The following FAM117B variants were observed in gnomAD, a reference collection of about 807,000 sequenced individuals.
FAM117B encodes family with sequence similarity 117 member B, also known as protein FAM117B.
A neutral mutation model predicts 52.8 loss-of-function variants in FAM117B; 22 were observed. That is an observed-to-expected ratio of 0.42 (90% CI 0.30 to 0.59). The LOEUF is 0.59. Among genes scored for constraint, FAM117B ranks in the 20% least tolerant of loss-of-function variants. The pLI is 0.22. For synonymous variants in FAM117B, 309 were observed against 324.1 expected, an observed-to-expected ratio of 0.95 and a Z score of 0.50; for missense variants, 678 against 802.6, an observed-to-expected ratio of 0.84 and a Z score of 1.88.
At chr2:202,736,968 G>A (rs1367871153) in intron 4 of FAM117B, among the ~76,000 whole-genome samples, 1 of 152,000 alleles carries the variant, frequency 6.6e-6, no homozygotes, top group African/African-American at 2.4e-5. Context: ...CTTATCACCA[G>A]TGTACCACAG....
At chr2:202,668,577 G>A (rs1369913807) in intron 1 of FAM117B, among the ~76,000 whole-genome samples, 2 of 148,170 alleles carry the variant, frequency 1.3e-5, no homozygotes, top group African/African-American at 2.5e-5. Flanking sequence ...CTCTGATTGT[G>A]TCACTGTACT....
Position 202,635,389 on chromosome 2 carries a change from G to T in FAM117B, c.202G>T (p.Gly68Cys). ...GGGGGGNNNG[G>C]CCGGASGPAG... ...CGGCGGCGGCGGCAACAACAACGGT[G>T]GCTGCTGTGGTGGCGCCTCAGGCCC... The change falls in exon 1 of 8, where the codon GGC (glycine) becomes TGC (cysteine). Residue 68 changes from glycine (G) to cysteine (C), a missense_variant. Around this residue, in one of 3 missense-constraint regions of FAM117B, gnomAD observed 583 missense variants for 644.8 expected, o/e 0.90. Transcript: ENST00000392238. 7.6e-7 allele frequency: 1 copy of T among 1,320,810 alleles called. No homozygotes were observed. Among genetic ancestry groups the T allele is most frequent in the Non-Finnish European group, 9.6e-7 (1 of 1,040,248 alleles). 81.8% of individuals were successfully genotyped at this position (1,320,810 alleles called of 1,614,324 possible).
chr2:202,743,969 T>G (rs1213400788), intron 4 of FAM117B, among the ~76,000 whole-genome samples: 1 of 152,198 alleles, frequency 6.6e-6, no homozygotes, highest in Non-Finnish European at 1.5e-5. Flanking sequence ...AAGTAATAGC[T>G]GAAAACTCCC....
intron 2 of FAM117B, among the ~76,000 whole-genome samples, chr2:202,701,439 C>T (rs1195996433): frequency 6.6e-6 from 1 of 152,074 alleles, no homozygotes; most frequent in Non-Finnish European, 1.5e-5. Flanking sequence ...ATTTTGCAGC[C>T]CATGGTTCCA....
intron 1 of FAM117B, among the ~76,000 whole-genome samples, chr2:202,679,705 TTA>T (rs1325894736): frequency 6.6e-6 from 1 of 152,176 alleles, no homozygotes; most frequent in Non-Finnish European, 1.5e-5. Context: ...AAAACAAACT[TTA>T]AGGATCAAGT....
intron 1 of FAM117B, among the ~76,000 whole-genome samples, chr2:202,664,391 T>G (rs1309156841): frequency 6.6e-6 from 1 of 152,228 alleles, no homozygotes; most frequent in Admixed American, 6.5e-5. Flanking sequence ...CAGTGATTTG[T>G]GTGGCTAATA....
intron 4 of FAM117B, among the ~76,000 whole-genome samples, chr2:202,742,748 C>T (rs1209736618): frequency 6.6e-6 from 1 of 152,184 alleles, no homozygotes; most frequent in African/African-American, 2.4e-5. Flanking sequence ...ATATTCACAA[C>T]ATATACCACA....
chr2:202,724,099 C>A (rs189529509), intron 2 of FAM117B, among the ~76,000 whole-genome samples: 1 of 119,346 alleles, frequency 8.4e-6, no homozygotes, highest in African/African-American at 3.3e-5. Flanking sequence ...CCTCTGTCAT[C>A]CAGGCTGGAG....
At chr2:202,676,733 G>A (rs1690384645) in intron 1 of FAM117B, among the ~76,000 whole-genome samples, 1 of 152,100 alleles carries the variant, frequency 6.6e-6, no homozygotes, top group Non-Finnish European at 1.5e-5. Context: ...TGAAACAGTA[G>A]TTAACTGATA....
chr2:202,681,845 A>G (rs1395728754), intron 1 of FAM117B, among the ~76,000 whole-genome samples: 1 of 152,212 alleles, frequency 6.6e-6, no homozygotes, highest in Non-Finnish European at 1.5e-5. Flanking sequence ...GCCTGGTACT[A>G]TATGGCCCAG....
At chr2:202,699,065 A>T (rs1018377990) in intron 2 of FAM117B, among the ~76,000 whole-genome samples, 9 of 152,184 alleles carry the variant, frequency 5.9e-5, no homozygotes, top group African/African-American at 1.9e-4. Flanking sequence ...GAATTAAAAT[A>T]TAAACCCTAT....
chr2:202,734,926 AT>A (rs1041110392), intron 4 of FAM117B, among the ~76,000 whole-genome samples: 1 of 152,176 alleles, frequency 6.6e-6, no homozygotes, highest in African/African-American at 2.4e-5. Context: ...TCTCTAAAGA[AT>A]TTTTTTAATG....
chr2:202,747,503 T>G (rs1691652253), intron 4 of FAM117B, among the ~76,000 whole-genome samples: 1 of 152,102 alleles, frequency 6.6e-6, no homozygotes, highest in Admixed American at 6.5e-5. Context: ...TGACATGATC[T>G]TATATATGGA....
intron 1 of FAM117B, among the ~76,000 whole-genome samples, chr2:202,646,471 A>AG (rs1689865762): frequency 6.6e-6 from 1 of 152,190 alleles, no homozygotes; most frequent in Admixed American, 6.5e-5. Context: ...CCCAGGGAAG[A>AG]GACCTCAGTA....
intron 4 of FAM117B, among the ~76,000 whole-genome samples, chr2:202,734,277 C>G (rs1255246597): frequency 6.6e-6 from 1 of 152,132 alleles, no homozygotes; most frequent in East Asian, 1.9e-4. Flanking sequence ...GTCCCAGCTA[C>G]TAGGGAGGCT....
At chr2:202,697,186 A>C (rs1282159203) in intron 2 of FAM117B, among the ~76,000 whole-genome samples, 2 of 152,218 alleles carry the variant, frequency 1.3e-5, no homozygotes, top group Non-Finnish European at 2.9e-5. Flanking sequence ...AGTTTGGTGT[A>C]GTTTCTTACT....
rs780138718 is a variant in FAM117B at position 202,731,368 on chromosome 2, T to TATATATATATATATATATAG, written c.960+5005_960+5006insATATATATATATATATATAG. On this transcript the variant is annotated intron_variant, in intron 4 of 7. Coordinates refer to ENST00000392238, the MANE Select transcript of FAM117B (RefSeq NM_173511.4). ...ATATATATATATATATATATATATA[T>TATATATATATATATATATAG]GGAGAGAGAGAGAAGCTCCTTCTCA... is the stretch of plus-strand genomic sequence containing the variant. Among the ~76,000 whole-genome samples, 445 of 95,788 alleles carry TATATATATATATATATATAG rather than the reference T, an allele frequency of 4.6e-3. 37 individuals are homozygous for TATATATATATATATATATAG. Among genetic ancestry groups the TATATATATATATATATATAG allele is most frequent in the Middle Eastern group, 7.8e-3 (1 of 128 alleles). The allele number at this position is 95,788 out of a possible 152,430, so 62.8% of individuals were successfully genotyped here.
intron 1 of FAM117B, among the ~76,000 whole-genome samples, chr2:202,663,061 A>G (rs1690153850): frequency 6.6e-6 from 1 of 152,236 alleles, no homozygotes; most frequent in Non-Finnish European, 1.5e-5. Flanking sequence ...TTATACATTC[A>G]TAGTTTTATA....
At chr2:202,695,502 G>A (rs1037945965) in intron 1 of FAM117B, among the ~76,000 whole-genome samples, 2 of 152,086 alleles carry the variant, frequency 1.3e-5, no homozygotes, top group Non-Finnish European at 2.9e-5. Context: ...TCGTTGGATT[G>A]ACTGTCATGG....
Sources: gnomAD v4.1 joint callset for allele counts (sites outside exome capture counted in the v4.1 genomes callset) on GRCh38, gnomAD v4.1.1 for gene constraint, gnomAD v4.1.1 regional missense constraint, MANE v1.5 for transcripts, NCBI Gene and HGNC (gene_info 2026-07-23, HGNC 2026-07-21) for gene names.